Variants in STARD13 observed in about 807,000 individuals in gnomAD.
STARD13 encodes the protein stAR-related lipid transfer protein 13.
STARD13 carries 62 observed loss-of-function variants against 106.4 expected under a neutral mutation model. The observed-to-expected ratio is 0.58, with a 90% confidence interval of 0.48 to 0.72. The LOEUF is 0.72. Among genes scored for constraint, STARD13 ranks in the 30% least tolerant of loss-of-function variants. The pLI is 0.00. For missense variants in STARD13, 1,387 were observed against 1,424.0 expected (o/e 0.97, Z 0.42); for synonymous variants, 565 against 553.0 (o/e 1.02, Z -0.31).
the STARD13 span, among the ~76,000 whole-genome samples, chr13:33,522,771 T>C: frequency 4.6e-5 from 7 of 152,300 alleles, no homozygotes; most frequent in East Asian, 1.4e-3. Flanking sequence ...TTTTGCCCCC[T>C]TGGGCAAGTC....
At chr13:33,565,018 A>G in the STARD13 span, among the ~76,000 whole-genome samples, 2 of 146,784 alleles carry the variant, frequency 1.4e-5, no homozygotes, top group African/African-American at 2.5e-5. Flanking sequence ...AAAAAGAAAA[A>G]AAAATCCTGT....
At position 33,130,172 on chromosome 13, in the gene STARD13, T is replaced by G; in HGVS notation, c.505A>C (p.Asn169His). 3.1e-6 allele frequency: 5 copies of G among 1,614,028 alleles called. No individual in the cohort carries two copies. Among genetic ancestry groups the G allele is most frequent in the Non-Finnish European group, 4.2e-6 (5 of 1,180,028 alleles). The change falls in exon 5 of 14, where the codon AAT becomes CAT. Residue 169 changes from asparagine (N) to histidine (H), a missense_variant. By Grantham distance (68) the Asn-to-His change is moderately conservative. Transcript: ENST00000336934. This position sits in a 1 kb window ranked among gnomAD's most constrained non-coding sequence, Gnocchi z 4.1. ...ATCCCCGTGCCTCCCGGTGACCCAT[T>G]TCTGTCTCCTCGAGGGAGCAGCGTG... ...LYTLLPRGDR[N>H]GSPGGTGMRN... is the part of the protein sequence containing the mutation.
chr13:33,194,510 G>C (rs1886475671), intron 1 of STARD13, among the ~76,000 whole-genome samples: 3 of 152,030 alleles, frequency 2.0e-5, no homozygotes, highest in Admixed American at 2.0e-4. Context: ...ATCAGCATTT[G>C]TTTTTGATTT....
chr13:33,183,227 C>T (rs1480069161), intron 1 of STARD13, among the ~76,000 whole-genome samples: 1 of 152,170 alleles, frequency 6.6e-6, no homozygotes, highest in Non-Finnish European at 1.5e-5. Context: ...GCAGAGGTTG[C>T]CTTATTTACT....
chr13:33,193,056 G>A (rs1254348036), intron 1 of STARD13, among the ~76,000 whole-genome samples: 1 of 152,174 alleles, frequency 6.6e-6, no homozygotes, highest in Admixed American at 6.5e-5. Flanking sequence ...GGAATAAGTG[G>A]ATGAGAAAAT....
intron 1 of STARD13, among the ~76,000 whole-genome samples, chr13:33,171,309 G>T (rs904113170): frequency 6.6e-6 from 1 of 152,194 alleles, no homozygotes; most frequent in Non-Finnish European, 1.5e-5. Context: ...TGAAACCAGA[G>T]AGTGGACCTG....
intron 4 of STARD13, chr13:33,138,921 G>C (rs574107952): frequency 8.3e-5 from 38 of 455,184 alleles, no homozygotes; most frequent in African/African-American, 6.8e-4. Context: ...ATTTCTCCCA[G>C]TGCTTTGGAA....
At chr13:33,529,497 C>T in the STARD13 span, among the ~76,000 whole-genome samples, 4 of 152,118 alleles carry the variant, frequency 2.6e-5, no homozygotes, top group Non-Finnish European at 5.9e-5. Flanking sequence ...ATTCATTCAT[C>T]CAGCCAGCCA....
the STARD13 span, among the ~76,000 whole-genome samples, chr13:33,439,077 G>A: frequency 6.6e-6 from 1 of 152,220 alleles, no homozygotes; most frequent in Non-Finnish European, 1.5e-5. Flanking sequence ...ACCGTATGAA[G>A]TGAGGACTGA....
At chr13:33,204,550 A>G (rs1887278377) in intron 1 of STARD13, among the ~76,000 whole-genome samples, 1 of 152,246 alleles carries the variant, frequency 6.6e-6, no homozygotes, top group African/African-American at 2.4e-5. Flanking sequence ...CGTAGAAACC[A>G]TATGGTTGTC....
At chr13:33,420,539 G>C in the STARD13 span, among the ~76,000 whole-genome samples, 1 of 152,186 alleles carries the variant, frequency 6.6e-6, no homozygotes, top group Admixed American at 6.6e-5. Flanking sequence ...GTATTAGACA[G>C]ATCAATGAGA....
chr13:33,644,247 C>T, the STARD13 span, among the ~76,000 whole-genome samples: 3 of 152,204 alleles, frequency 2.0e-5, no homozygotes, highest in African/African-American at 7.2e-5. Flanking sequence ...GGGTGTGTGA[C>T]TTGGGACAAC....
At chr13:33,635,828 C>CA in the STARD13 span, among the ~76,000 whole-genome samples, 43 of 140,088 alleles carry the variant, frequency 3.1e-4, no homozygotes, top group African/African-American at 1.1e-3. Context: ...ACTAAAAATA[C>CA]AAAAAATTAG....
At chr13:33,665,058 T>A in the STARD13 span, among the ~76,000 whole-genome samples, 1 of 152,178 alleles carries the variant, frequency 6.6e-6, no homozygotes, top group African/African-American at 2.4e-5. Flanking sequence ...ACAGAGGAAG[T>A]GGAGACCCTG....
intron 8 of STARD13, 100 bp downstream of exon 8, chr13:33,117,965 G>GA: frequency 6.4e-7 from 1 of 1,559,814 alleles, no homozygotes; most frequent in Non-Finnish European, 8.7e-7. Context: ...TTTATGGATT[G>GA]ATGTATTATT....
the STARD13 span, among the ~76,000 whole-genome samples, chr13:33,551,009 AC>A: frequency 6.6e-6 from 1 of 152,284 alleles, no homozygotes. Flanking sequence ...TCTTTTCTTT[AC>A]TACTGTTACT....
At chr13:33,384,516 A>G in the STARD13 span, among the ~76,000 whole-genome samples, 7 of 152,236 alleles carry the variant, frequency 4.6e-5, no homozygotes, top group Non-Finnish European at 1.0e-4. Context: ...AGCTGCAATG[A>G]ACTTTAAAAT....
intron 1 of STARD13, among the ~76,000 whole-genome samples, chr13:33,207,759 C>G (rs17078779): frequency 0.17 from 25,751 of 152,054 alleles, 2,612 homozygotes; most frequent in African/African-American, 0.27. Flanking sequence ...GTCAATTCTT[C>G]CCATATGGTG....
At chr13:33,149,520 G>A (rs77535346) in intron 3 of STARD13, among the ~76,000 whole-genome samples, 1 of 152,262 alleles carries the variant, frequency 6.6e-6, no homozygotes, top group African/African-American at 2.4e-5. Flanking sequence ...TACTAACAAA[G>A]TCATCATCAC....
Sources: gnomAD v4.1 joint callset for allele counts (sites outside exome capture counted in the v4.1 genomes callset) on GRCh38, gnomAD v4.1.1 for gene constraint, Gnocchi (gnomAD v3.1) non-coding constraint, MANE v1.5 for transcripts, NCBI Gene and HGNC (gene_info 2026-07-23, HGNC 2026-07-21) for gene names.